PHF21A: variants seen among roughly 807,000 people sequenced by gnomAD.
PHF21A encodes PHD finger protein 21A.
In PHF21A, 11 loss-of-function variants were observed where a neutral mutation model predicts 82.5. That is an observed-to-expected ratio of 0.13 (90% CI 0.08 to 0.22). PHF21A has a LOEUF of 0.22. PHF21A is among the 10% of genes least tolerant of loss of function. PHF21A has a pLI of 1.00. For synonymous variants in PHF21A, 297 were observed against 302.8 expected (o/e 0.98, Z 0.20); for missense variants, 579 against 837.8 (o/e 0.69, Z 3.81).
chr11:46,106,317 G>C (rs962303271), intron 1 of PHF21A, among the ~76,000 whole-genome samples: 4 of 152,090 alleles, frequency 2.6e-5, no homozygotes, highest in South Asian at 4.1e-4. Context: ...ACAAAAGGGT[G>C]GGGGGGAACC....
intron 1 of PHF21A, among the ~76,000 whole-genome samples, chr11:46,114,010 CA>C (rs894424831): frequency 2.0e-5 from 3 of 151,784 alleles, no homozygotes; most frequent in African/African-American, 7.3e-5. Flanking sequence ...CAAAAACAAA[CA>C]AAAAACACTG....
chr11:45,959,693 T>A (rs544127041), intron 10 of PHF21A, among the ~76,000 whole-genome samples: 1 of 152,318 alleles, frequency 6.6e-6, no homozygotes, highest in East Asian at 1.9e-4. Context: ...AGCAAAGTTG[T>A]AGGGTACAAG....
chr11:46,003,214 T>TA (rs537419397), intron 6 of PHF21A, among the ~76,000 whole-genome samples: 2 of 149,918 alleles, frequency 1.3e-5, no homozygotes, highest in Admixed American at 1.3e-4. Flanking sequence ...AGAGTGCCAC[T>TA]AAAAAAAGTC....
intron 1 of PHF21A, among the ~76,000 whole-genome samples, chr11:46,108,555 ATG>A (rs779833383): frequency 4.2e-5 from 4 of 94,826 alleles, no homozygotes; most frequent in East Asian, 8.2e-4. Context: ...TTCTTTAAAA[ATG>A]TGTGTGTGTG....
intron 11 of PHF21A, 113 bp from the exon 12 acceptor site, chr11:45,950,370 A>G: frequency 2.7e-6 from 2 of 749,894 alleles, no homozygotes; most frequent in Non-Finnish European, 4.5e-6. Context: ...GGTCTCATGA[A>G]TGCACAAGAG....
intron 6 of PHF21A, among the ~76,000 whole-genome samples, chr11:46,035,578 G>A (rs766006304): frequency 6.6e-6 from 1 of 152,168 alleles, no homozygotes; most frequent in Non-Finnish European, 1.5e-5. Flanking sequence ...AATATAATGA[G>A]TGTTAGGATA....
intron 6 of PHF21A, among the ~76,000 whole-genome samples, chr11:46,013,315 C>T (rs182780921): frequency 7.8e-4 from 119 of 152,292 alleles, no homozygotes; most frequent in Non-Finnish European, 1.4e-3. Context: ...CCCTGTCCCA[C>T]CCCTTCCTAC....
At chr11:46,004,734 C>T (rs933960637) in intron 6 of PHF21A, among the ~76,000 whole-genome samples, 60 of 152,114 alleles carry the variant, frequency 3.9e-4, no homozygotes, top group African/African-American at 1.4e-3. Context: ...GCCTAGAATG[C>T]TTTCCATTGA....
At chr11:46,065,607 G>A (rs371635524) in intron 6 of PHF21A, among the ~76,000 whole-genome samples, 1 of 152,334 alleles carries the variant, frequency 6.6e-6, no homozygotes, top group South Asian at 2.1e-4. Context: ...ACAGCTAAAA[G>A]CATCTGTACT....
chr11:45,940,202 T>C (rs1335994357), intron 15 of PHF21A, among the ~76,000 whole-genome samples: 1 of 151,954 alleles, frequency 6.6e-6, no homozygotes. Context: ...CTTTTTCTTT[T>C]TTTTTTTTTT....
At chr11:46,017,423 T>C (rs897801699) in intron 6 of PHF21A, among the ~76,000 whole-genome samples, 32 of 152,218 alleles carry the variant, frequency 2.1e-4, no homozygotes, top group African/African-American at 7.7e-4. Context: ...AACTACTCTT[T>C]GCAAATACTA....
intron 8 of PHF21A, 58 bp from the exon 9 acceptor site, chr11:45,969,962 C>T (rs1013646202): frequency 6.3e-6 from 7 of 1,108,196 alleles, no homozygotes; most frequent in South Asian, 1.3e-5. Context: ...AATATCAAAG[C>T]TAGTATTTTT....
chr11:46,099,182 A>T (rs1037279260), intron 1 of PHF21A, among the ~76,000 whole-genome samples: 1 of 152,186 alleles, frequency 6.6e-6, no homozygotes, highest in Non-Finnish European at 1.5e-5. Flanking sequence ...ACCAAATTTT[A>T]AAAAATTAAA....
intron 14 of PHF21A, among the ~76,000 whole-genome samples, chr11:45,946,365 G>T (rs574827404): frequency 1.3e-5 from 2 of 152,244 alleles, no homozygotes; most frequent in East Asian, 3.9e-4. Context: ...GTGGGAGCCA[G>T]GGCCAGGAAT....
intron 6 of PHF21A, among the ~76,000 whole-genome samples, chr11:46,041,661 A>G (rs2096143526): frequency 6.6e-6 from 1 of 152,206 alleles, no homozygotes; most frequent in Non-Finnish European, 1.5e-5. Context: ...ACCCAGATTT[A>G]AAACAAAGAA....
intron 11 of PHF21A, among the ~76,000 whole-genome samples, chr11:45,952,418 T>C (rs2092245823): frequency 6.6e-6 from 1 of 152,196 alleles, no homozygotes; most frequent in African/African-American, 2.4e-5. Context: ...ATTTTGTTTA[T>C]TTTTTGCAGA....
intron 6 of PHF21A, among the ~76,000 whole-genome samples, chr11:46,072,569 T>C (rs2096667977): frequency 6.6e-6 from 1 of 152,216 alleles, no homozygotes; most frequent in African/African-American, 2.4e-5. Flanking sequence ...GTTTTCCCTG[T>C]TTACATTACT....
chr11:46,037,124 T>C (rs946168140), intron 6 of PHF21A, among the ~76,000 whole-genome samples: 1 of 152,226 alleles, frequency 6.6e-6, no homozygotes, highest in Non-Finnish European at 1.5e-5. Flanking sequence ...TCTCAAAGAC[T>C]CATTTTTTGG....
At chr11:45,935,280 G>A in intron 18 of PHF21A, 2 of 1,310,208 alleles carry the variant, frequency 1.5e-6, no homozygotes, top group South Asian at 1.2e-5. Context: ...CCTGGTCTGT[G>A]TCTGCTCAGT....
Sources: gnomAD v4.1 joint callset for allele counts (sites outside exome capture counted in the v4.1 genomes callset) on GRCh38, gnomAD v4.1.1 for gene constraint, MANE v1.5 for transcripts, NCBI Gene and HGNC (gene_info 2026-07-23, HGNC 2026-07-21) for gene names.